Variants in FMN2 observed in about 807,000 individuals in gnomAD.
The protein encoded by FMN2 is formin-2.
In FMN2, 51 loss-of-function variants were observed where a neutral mutation model predicts 142.3. The ratio of observed to expected loss-of-function variants is 0.36; its 90% CI spans 0.29 to 0.45. The LOEUF (loss-of-function observed/expected upper bound fraction) is 0.45, where lower values mean the gene tolerates loss of function less well. Among genes scored for constraint, FMN2 ranks in the 20% least tolerant of loss-of-function variants. The pLI, the probability that FMN2 is intolerant of heterozygous loss-of-function variation, is 1.00. For synonymous variants in FMN2, 882 were observed against 869.8 expected, an observed-to-expected ratio of 1.01 and a Z score of -0.25; for missense variants, 1,936 against 2,122.8, an observed-to-expected ratio of 0.91 and a Z score of 1.73.
rs951524780 is a variant in FMN2, at chr1:240,468,635, C to T, written c.5061-3737C>T. On this transcript the variant is annotated intron_variant, in intron 16 of 17. Coordinates refer to ENST00000319653, the MANE Select transcript of FMN2 (RefSeq NM_020066.5). ...ATGTTATCTCCACCATGCCTTTTCA[C>T]TAAAAGCCTTTCAAGTCTGGTTGTG... is the stretch of plus-strand genomic sequence containing the variant. 3.2e-4 allele frequency among the ~76,000 whole-genome samples: 49 copies of T among 152,288 alleles called. 1 individual carries two copies. The highest frequency in any genetic ancestry group is 1.2e-3 in the African/African-American group (48 of 41,554).
intron 15 of FMN2, among the ~76,000 whole-genome samples, chr1:240,416,627 T>G (rs2103134025): frequency 6.6e-6 from 1 of 152,300 alleles, no homozygotes; most frequent in Middle Eastern, 3.4e-3. Flanking sequence ...TGTACTTATG[T>G]CCCTTGTTGA....
chr1:240,146,276 C>T (rs1211998116), intron 2 of FMN2, among the ~76,000 whole-genome samples: 1 of 150,606 alleles, frequency 6.6e-6, no homozygotes, highest in East Asian at 2.0e-4. Flanking sequence ...TGCCTATAGT[C>T]CCAGTTACTT....
chr1:240,221,678 G>A (rs986884059), intron 6 of FMN2, among the ~76,000 whole-genome samples: 5 of 151,954 alleles, frequency 3.3e-5, no homozygotes, highest in Non-Finnish European at 7.4e-5. Context: ...CTCCCATTCT[G>A]TCGGTTGCCT....
At chr1:240,127,138 G>T (rs867542447) in intron 2 of FMN2, among the ~76,000 whole-genome samples, 3,209 of 96,172 alleles carry the variant, frequency 0.033, 70 homozygotes, top group African/African-American at 0.1. Flanking sequence ...TTTTTTTTTT[G>T]AAACGGAGTC....
At chr1:240,410,939 T>C (rs1359079612) in intron 15 of FMN2, among the ~76,000 whole-genome samples, 2 of 152,244 alleles carry the variant, frequency 1.3e-5, no homozygotes, top group Non-Finnish European at 2.9e-5. Context: ...TTTTCTCTGA[T>C]ACTTTCTACC....
chr1:240,120,256 A>G (rs1662179544), intron 1 of FMN2, among the ~76,000 whole-genome samples: 1 of 152,250 alleles, frequency 6.6e-6, no homozygotes. Context: ...AGTTATTGTA[A>G]CTGAAGTATA....
chr1:240,182,839 C>A (rs1665206577), intron 3 of FMN2, among the ~76,000 whole-genome samples: 1 of 152,086 alleles, frequency 6.6e-6, no homozygotes. Context: ...AACTAATATC[C>A]CAAAGAAGTG....
intron 15 of FMN2, among the ~76,000 whole-genome samples, chr1:240,420,880 G>A (rs1674739916): frequency 6.6e-6 from 1 of 152,146 alleles, no homozygotes; most frequent in Admixed American, 6.5e-5. Flanking sequence ...CAAAAAGCAA[G>A]TGCCAAGATT....
chr1:240,408,751 T>C (rs531598981), intron 15 of FMN2, among the ~76,000 whole-genome samples: 1 of 152,286 alleles, frequency 6.6e-6, no homozygotes, highest in East Asian at 1.9e-4. Context: ...TCATAGTTTA[T>C]GAATCAATAA....
chr1:240,318,394 T>G (rs1670859624), intron 8 of FMN2, among the ~76,000 whole-genome samples: 1 of 152,196 alleles, frequency 6.6e-6, no homozygotes, highest in Non-Finnish European at 1.5e-5. Flanking sequence ...GGAAGGAAAC[T>G]GGCTTTTCTT....
chr1:240,381,957 T>G (rs1359803852), intron 14 of FMN2, among the ~76,000 whole-genome samples: 1 of 152,200 alleles, frequency 6.6e-6, no homozygotes, highest in African/African-American at 2.4e-5. Flanking sequence ...AACATAGTGC[T>G]GGAAGTTGTA....
At chr1:240,285,302 C>T (rs1422748719) in intron 7 of FMN2, 1 of 454,882 alleles carries the variant, frequency 2.2e-6, no homozygotes, top group Non-Finnish European at 4.4e-6. Context: ...AAGGACAGTT[C>T]CTCTGAACAC....
At chr1:240,127,935 G>T (rs766031094) in intron 2 of FMN2, among the ~76,000 whole-genome samples, 12 of 152,196 alleles carry the variant, frequency 7.9e-5, no homozygotes, top group Non-Finnish European at 1.6e-4. Context: ...GGTTGGGGTG[G>T]ATTCTGGAGG....
chr1:240,350,727 C>T (rs1299027207), intron 13 of FMN2, among the ~76,000 whole-genome samples: 3 of 152,094 alleles, frequency 2.0e-5, no homozygotes, highest in African/African-American at 7.2e-5. Flanking sequence ...TGTACGTGTT[C>T]TGTAGAAAAG....
intron 16 of FMN2, among the ~76,000 whole-genome samples, chr1:240,447,287 A>G (rs886340567): frequency 6.6e-6 from 1 of 152,212 alleles, no homozygotes; most frequent in Non-Finnish European, 1.5e-5. Flanking sequence ...GTTGGATACC[A>G]AGAATGGACA....
intron 7 of FMN2, among the ~76,000 whole-genome samples, chr1:240,258,572 C>T (rs1668526661): frequency 6.6e-6 from 1 of 152,150 alleles, no homozygotes; most frequent in Non-Finnish European, 1.5e-5. Context: ...GATCCTGTCT[C>T]CTTGTACCTT....
intron 16 of FMN2, among the ~76,000 whole-genome samples, chr1:240,444,566 T>C (rs1343834769): frequency 6.6e-6 from 1 of 152,242 alleles, no homozygotes; most frequent in Non-Finnish European, 1.5e-5. Context: ...TTGAGACAGG[T>C]AGTCTTTGAT....
chr1:240,374,057 C>A (rs1672962514), intron 14 of FMN2, among the ~76,000 whole-genome samples: 1 of 152,190 alleles, frequency 6.6e-6, no homozygotes, highest in African/African-American at 2.4e-5. Flanking sequence ...TCCATCAGAG[C>A]TTTTGGGTGA....
intron 1 of FMN2, among the ~76,000 whole-genome samples, chr1:240,112,202 G>T (rs569801411): frequency 6.0e-5 from 9 of 151,010 alleles, no homozygotes; most frequent in Non-Finnish European, 1.5e-5. Context: ...TGTGATCTCG[G>T]CTCACTGCAA....
Sources: allele counts gnomAD v4.1 joint callset (sites outside exome capture counted in the v4.1 genomes callset), GRCh38; gene constraint gnomAD v4.1.1; transcripts MANE v1.5; gene names NCBI Gene and HGNC (gene_info 2026-07-23, HGNC 2026-07-21).